MLLT3: variants seen among roughly 807,000 people sequenced by gnomAD.
MLLT3 encodes MLLT3 super elongation complex subunit.
Under a neutral mutation model 53.2 loss-of-function variants are expected in MLLT3, and 4 were observed. That is an observed-to-expected ratio of 0.08 (90% CI 0.04 to 0.17). MLLT3 has a LOEUF of 0.17. MLLT3 is among the 10% of genes least tolerant of loss of function. MLLT3 has a pLI of 1.00. For missense variants in MLLT3, 569 were observed against 684.0 expected (o/e 0.83, Z 1.87); for synonymous variants, 283 against 230.6 (o/e 1.23, Z -2.06).
chr9:20,403,924 T>C (rs1822518061), intron 5 of MLLT3, among the ~76,000 whole-genome samples: 1 of 152,138 alleles, frequency 6.6e-6, no homozygotes. Context: ...GCTCAGATGA[T>C]TGTCCCACCT....
chr9:20,554,859 G>C (rs1270696594), intron 2 of MLLT3, among the ~76,000 whole-genome samples: 4 of 152,156 alleles, frequency 2.6e-5, no homozygotes, highest in Admixed American at 1.3e-4. Flanking sequence ...AAATGAGGGT[G>C]AAAAATGACT....
At chr9:20,469,731 A>AC (rs1208860988) in intron 2 of MLLT3, among the ~76,000 whole-genome samples, 1 of 151,820 alleles carries the variant, frequency 6.6e-6, no homozygotes, top group East Asian at 1.9e-4. Context: ...CAGGAAAAAA[A>AC]AAAAAAAAAT....
intron 2 of MLLT3, among the ~76,000 whole-genome samples, chr9:20,502,594 T>C (rs1257609007): frequency 1.3e-5 from 2 of 152,254 alleles, no homozygotes; most frequent in Non-Finnish European, 2.9e-5. Flanking sequence ...GTATACCAAC[T>C]ATTTATATAA....
rs757860449 is a variant in MLLT3 at position 20,363,429 on chromosome 9, G to T, written c.1331+47C>A. 4 of 1,604,188 alleles carry T rather than the reference G, an allele frequency of 2.5e-6. No individual in the cohort carries two copies. The African/African-American group carries it at 5.4e-5, about 22-fold the overall frequency. On this transcript the variant is annotated intron_variant, in intron 7 of 10. Coordinates refer to ENST00000380338, the MANE Select transcript of MLLT3 (RefSeq NM_004529.4). ...GATTATCCCAGCAGGGCTTGTGAAA[G>T]AGTCTGACTTCATCACAGGCAACCC...
chr9:20,442,395 A>C (rs1241743157), intron 4 of MLLT3, among the ~76,000 whole-genome samples: 2 of 152,218 alleles, frequency 1.3e-5, no homozygotes, highest in African/African-American at 4.8e-5. Context: ...CCATGTGCAC[A>C]AAGAACTATG....
chr9:20,566,519 T>C (rs1819381745), intron 2 of MLLT3, among the ~76,000 whole-genome samples: 1 of 152,152 alleles, frequency 6.6e-6, no homozygotes, highest in Non-Finnish European at 1.5e-5. Context: ...GCCTGATTTA[T>C]ATACTTAAAC....
intron 2 of MLLT3, among the ~76,000 whole-genome samples, chr9:20,549,478 C>A (rs985661436): frequency 6.6e-5 from 10 of 152,066 alleles, no homozygotes; most frequent in Admixed American, 5.9e-4. Context: ...GTGCCAGGAA[C>A]TGTCCTAAGC....
chr9:20,436,701 T>C (rs1018121296), intron 4 of MLLT3, among the ~76,000 whole-genome samples: 1 of 152,204 alleles, frequency 6.6e-6, no homozygotes, highest in African/African-American at 2.4e-5. Flanking sequence ...GCTTGACTGA[T>C]TTCAGTATTT....
chr9:20,398,275 C>A (rs1341258445), intron 5 of MLLT3, among the ~76,000 whole-genome samples: 1 of 151,852 alleles, frequency 6.6e-6, no homozygotes, highest in Non-Finnish European at 1.5e-5. Context: ...TTTAGAGTCT[C>A]CCTTTGTTGT....
intron 4 of MLLT3, among the ~76,000 whole-genome samples, chr9:20,416,691 A>G (rs1397602265): frequency 1.3e-5 from 2 of 152,088 alleles, no homozygotes; most frequent in Non-Finnish European, 2.9e-5. Context: ...TATCCACTCA[A>G]TAAATCTTGG....
intron 5 of MLLT3, among the ~76,000 whole-genome samples, chr9:20,368,282 C>T (rs1821507202): frequency 6.6e-6 from 1 of 152,176 alleles, no homozygotes. Context: ...AGCTGTAAAA[C>T]ATTTCTCCCA....
At chr9:20,560,198 T>C (rs1005706829) in intron 2 of MLLT3, among the ~76,000 whole-genome samples, 13 of 152,014 alleles carry the variant, frequency 8.6e-5, no homozygotes, top group African/African-American at 3.1e-4. Flanking sequence ...ATAGCTGCCA[T>C]GCATAAGTTA....
chr9:20,475,490 T>G (rs1450783909), intron 2 of MLLT3, among the ~76,000 whole-genome samples: 1 of 152,092 alleles, frequency 6.6e-6, no homozygotes, highest in African/African-American at 2.4e-5. Flanking sequence ...ATTTAAAATT[T>G]TGTTAACATA....
intron 1 of MLLT3, 132 bp downstream of exon 1, chr9:20,622,113 A>G: frequency 9.4e-7 from 1 of 1,066,284 alleles, no homozygotes; most frequent in East Asian, 2.8e-5. Flanking sequence ...GAGAGGCGGC[A>G]GCTCCCTGCA....
chr9:20,418,158 C>G (rs1415128828), intron 4 of MLLT3, among the ~76,000 whole-genome samples: 1 of 152,220 alleles, frequency 6.6e-6, no homozygotes, highest in Non-Finnish European at 1.5e-5. Flanking sequence ...TACAAGGACA[C>G]TTCCTAAAAA....
intron 2 of MLLT3, among the ~76,000 whole-genome samples, chr9:20,597,721 C>T (rs1820313065): frequency 6.6e-6 from 1 of 152,062 alleles, no homozygotes; most frequent in South Asian, 2.1e-4. Flanking sequence ...TCTGTGAAGC[C>T]TATTTCATGC....
intron 4 of MLLT3, among the ~76,000 whole-genome samples, chr9:20,419,713 G>A (rs1441568021): frequency 2.0e-5 from 3 of 152,152 alleles, no homozygotes; most frequent in Non-Finnish European, 4.4e-5. Context: ...CACACAGTCT[G>A]TTGCGAAAGA....
intron 2 of MLLT3, among the ~76,000 whole-genome samples, chr9:20,487,005 A>G (rs906411944): frequency 6.6e-6 from 1 of 152,166 alleles, no homozygotes; most frequent in Non-Finnish European, 1.5e-5. Flanking sequence ...TGCATTTGTG[A>G]TTATCAATTG....
chr9:20,464,022 C>G (rs963221261), intron 2 of MLLT3, among the ~76,000 whole-genome samples: 1 of 151,660 alleles, frequency 6.6e-6, no homozygotes, highest in Non-Finnish European at 1.5e-5. Flanking sequence ...TATAAAAAAC[C>G]ATTGAAGAGT....
Sources: allele counts gnomAD v4.1 joint callset (sites outside exome capture counted in the v4.1 genomes callset), GRCh38; gene constraint gnomAD v4.1.1; transcripts MANE v1.5; gene names NCBI Gene and HGNC (gene_info 2026-07-23, HGNC 2026-07-21).